PSD2: variants seen among roughly 807,000 people sequenced by gnomAD.
PSD2 encodes pleckstrin and Sec7 domain containing 2.
A neutral mutation model predicts 69.8 loss-of-function variants in PSD2; 38 were observed. That is an observed-to-expected ratio of 0.54 (90% CI 0.42 to 0.71). The LOEUF (loss-of-function observed/expected upper bound fraction) is 0.71. Ranked by LOEUF, PSD2 falls within the 30% of genes least tolerant of loss-of-function variation. The probability of loss-of-function intolerance (pLI) is 0.00; values close to 1 mark genes in which losing one functional copy is unlikely to be tolerated. For missense variants in PSD2, 943 were observed against 1,014.5 expected (o/e 0.93, Z 0.96); for synonymous variants, 412 against 423.0 (o/e 0.97, Z 0.32).
rs773332459 is a variant in PSD2, at chr5:139,824,522, G to A, written c.1269+1738G>A. On this transcript the variant is annotated intron_variant, in intron 7 of 14. Transcript: ENST00000274710. ...TGCCATTCTCCTGCCTCAGCCTCCC[G>A]AGTAGCTGGGACTACAGGCACCTGC... Among the ~76,000 whole-genome samples the A allele has an allele frequency of 9.3e-4, 138 of 148,438 alleles. 1 individual carries two copies. The highest frequency in any genetic ancestry group is 3.3e-3 in the Admixed American group (49 of 14,684).
intron 7 of PSD2, among the ~76,000 whole-genome samples, chr5:139,823,866 C>T (rs1760338209): frequency 6.6e-6 from 1 of 152,198 alleles, no homozygotes; most frequent in African/African-American, 2.4e-5. Context: ...TTGTGAAGGC[C>T]CAGTCTGCTG....
Position 139,813,598 on chromosome 5 carries a change from C to T in PSD2, c.661C>T (p.Pro221Ser), listed in dbSNP as rs141578086. 2,319 of 1,613,874 alleles carry T rather than the reference C, an allele frequency of 1.4e-3. 7 individuals are homozygous for T. The highest frequency in any genetic ancestry group is 1.7e-3 in the Non-Finnish European group (1,971 of 1,179,926). The change falls in exon 3 of 15, where the codon CCC (proline) becomes TCC (serine). Residue 221 changes from proline to serine, a missense_variant. Physicochemically the swap from Pro to Ser is moderately conservative, Grantham distance 74 (BLOSUM62 -1). Around this residue, in one of 3 missense-constraint regions of PSD2, gnomAD observed 466 missense variants for 445.0 expected, o/e 1.05. Coordinates refer to ENST00000274710, the MANE Select transcript of PSD2 (RefSeq NM_032289.4). ...TGGTGGTGATGGGGAGCTGGGCAGC[C>T]CCCTGCGGCGCTCCATCTCCAGCAG... ...AAGGDGELGS[P>S]LRRSISSSRS...
the PSD2 span, among the ~76,000 whole-genome samples, chr5:139,757,112 T>C: frequency 6.6e-6 from 1 of 152,186 alleles, no homozygotes; most frequent in Non-Finnish European, 1.5e-5. Context: ...TGAAGCGGAT[T>C]CTCTCCTGGG....
At chr5:139,754,086 T>C in the PSD2 span, among the ~76,000 whole-genome samples, 2 of 152,192 alleles carry the variant, frequency 1.3e-5, no homozygotes, top group South Asian at 2.1e-4. Context: ...TCCACCCGTC[T>C]TGGCCTCCCA....
intron 2 of PSD2, among the ~76,000 whole-genome samples, chr5:139,811,830 T>G (rs1001480122): frequency 6.6e-6 from 1 of 152,190 alleles, no homozygotes; most frequent in Non-Finnish European, 1.5e-5. Flanking sequence ...CCTGACCTCG[T>G]GATCCACCTG....
chr5:139,769,359 G>A, the PSD2 span, among the ~76,000 whole-genome samples: 2 of 152,216 alleles, frequency 1.3e-5, no homozygotes, highest in Non-Finnish European at 2.9e-5. Context: ...ATCCAGAGAA[G>A]CTTCTAGACA....
chr5:139,822,805 G>A (rs747088297), intron 7 of PSD2, 21 bp downstream of exon 7: 1 of 1,598,926 alleles, frequency 6.3e-7, no homozygotes, highest in South Asian at 1.1e-5. Context: ...GAGGTGACGG[G>A]GGGTGTCGCA....
the PSD2 span, among the ~76,000 whole-genome samples, chr5:139,766,899 CTTT>C: frequency 2.7e-5 from 4 of 146,586 alleles, no homozygotes; most frequent in East Asian, 2.0e-4. Context: ...TTCTTTCCCT[CTTT>C]CCCTCCCTTC....
At chr5:139,798,350 T>A (rs954988136) in intron 1 of PSD2, among the ~76,000 whole-genome samples, 1 of 152,188 alleles carries the variant, frequency 6.6e-6, no homozygotes, top group Non-Finnish European at 1.5e-5. Context: ...GGCCCCCTTT[T>A]CAGGTGGTAA....
rs1207975681 is a variant in PSD2, at chr5:139,801,718, G to GCATCTCAACTTT, written c.-51+5757_-51+5768dup. Among the ~76,000 whole-genome samples, 5 of 152,122 alleles carry GCATCTCAACTTT rather than the reference G, an allele frequency of 3.3e-5. No homozygotes were observed. The South Asian group carries it at 1.0e-3, about 31-fold the overall frequency. Reference sequence around the variant, plus strand: ...TCACCCGACTCCAGTAGCCTACACAGCATCTCAACTTTCATCTCAACTTTC... The same window carrying GCATCTCAACTTT: ...TCACCCGACTCCAGTAGCCTACACAGCATCTCAACTTTCATCTCAACTTTCATCTCAACTTTC... On this transcript the variant is annotated intron_variant, in intron 1 of 14. Coordinates refer to ENST00000274710, the MANE Select transcript of PSD2 (RefSeq NM_032289.4).
intron 9 of PSD2, 39 bp from the exon 10 acceptor site, chr5:139,836,772 C>G: frequency 6.3e-7 from 1 of 1,586,142 alleles, no homozygotes; most frequent in Non-Finnish European, 8.6e-7. Flanking sequence ...GGGGCCGAGG[C>G]CTCCCTGGAG....
chr5:139,842,700 C>T lies in PSD2; in HGVS notation c.*226C>T. The T allele has an allele frequency of 1.8e-6, 1 of 552,022 alleles. No individual in the cohort carries two copies. The highest frequency in any genetic ancestry group is 2.4e-5 in the South Asian group (1 of 41,720). 34.2% of individuals were successfully genotyped at this position (552,022 alleles called of 1,614,324 possible). The stretch of plus-strand genomic sequence containing the variant: ...AGACCCTCTCCCTGGCCCTTGTTTT[C>T]CTCTCCACCATGGAGCCTCATTTTG... On this transcript the variant is annotated 3_prime_UTR_variant, in exon 15 of 15. Coordinates refer to ENST00000274710, the MANE Select transcript of PSD2 (RefSeq NM_032289.4).
chr5:139,800,623 T>C (rs1360927044), intron 1 of PSD2, among the ~76,000 whole-genome samples: 1 of 152,216 alleles, frequency 6.6e-6, no homozygotes, highest in Non-Finnish European at 1.5e-5. Context: ...ACCCTTCCTT[T>C]CAGCGGATAA....
chr5:139,830,557 CCTTCCTTCCTTT>C (rs1372240978), intron 7 of PSD2, among the ~76,000 whole-genome samples: 27 of 132,984 alleles, frequency 2.0e-4, no homozygotes, highest in East Asian at 4.2e-4. Flanking sequence ...TTCCTTCCTT[CCTTCCTTCCTTT>C]CTTTCTTTCT....
At chr5:139,758,869 G>T in the PSD2 span, among the ~76,000 whole-genome samples, 1 of 152,178 alleles carries the variant, frequency 6.6e-6, no homozygotes, top group Non-Finnish European at 1.5e-5. Context: ...TTGGGGAAAT[G>T]GGATCTTGGT....
At position 139,825,895 on chromosome 5, in the gene PSD2, A is replaced by G. The variant is rs142586738; in HGVS notation, c.1269+3111A>G. ...TGCCATGTCCCTGCAGAGAGAACACACTGATGGCCAAGTCCTGGGGCTCAG... is the reference window on the plus strand; with the variant it reads ...TGCCATGTCCCTGCAGAGAGAACACGCTGATGGCCAAGTCCTGGGGCTCAG... On this transcript the variant is annotated intron_variant, in intron 7 of 14. Transcript: ENST00000274710. 2.3e-3 allele frequency among the ~76,000 whole-genome samples: 351 copies of G among 152,286 alleles called. 2 individuals are homozygous for G. The highest frequency in any genetic ancestry group is 0.021 in the East Asian group (107 of 5,178).
chr5:139,819,889 A>G (rs1468722566), intron 5 of PSD2, among the ~76,000 whole-genome samples: 2 of 152,320 alleles, frequency 1.3e-5, no homozygotes, highest in Admixed American at 6.5e-5. Flanking sequence ...TGCCAGCCCA[A>G]TGCTGAGGCT....
At chr5:139,776,685 T>C in the PSD2 span, among the ~76,000 whole-genome samples, 14 of 149,844 alleles carry the variant, frequency 9.3e-5, no homozygotes, top group African/African-American at 1.7e-4. Context: ...TTTTTTTTTT[T>C]CCAGATAGGG....
upstream of PSD2, among the ~76,000 whole-genome samples, chr5:139,792,783 C>T (rs1759436449): frequency 6.7e-6 from 1 of 149,660 alleles, no homozygotes; most frequent in Non-Finnish European, 1.5e-5. Context: ...TCCTTCCTCC[C>T]TCCCTCCCTC....
Sources: allele counts gnomAD v4.1 joint callset (sites outside exome capture counted in the v4.1 genomes callset), GRCh38; gene constraint gnomAD v4.1.1; regional missense constraint gnomAD v4.1.1; transcripts MANE v1.5; gene names NCBI Gene and HGNC (gene_info 2026-07-23, HGNC 2026-07-21).